DBT: variants seen among roughly 807,000 people sequenced by gnomAD.
The protein encoded by DBT is dihydrolipoamide branched chain transacylase E2.
DBT carries 40 observed loss-of-function variants against 51.3 expected under a neutral mutation model. The observed-to-expected ratio is 0.78, with a 90% CI of 0.61 to 1.02. The LOEUF is 1.02. DBT is among the 50% of genes least tolerant of loss of function. DBT has a pLI of 0.00. For missense variants in DBT, 510 were observed against 580.2 expected (o/e 0.88, Z 1.24); for synonymous variants, 181 against 190.4 (o/e 0.95, Z 0.41).
rs189088939 is a variant in DBT at position 100,231,986 on chromosome 1, C to T, written c.252-1072G>A. ...AAAATCCCCGGAGAAACTGGCACTA[C>T]AGATGGTCTCTGACTTTTATATCTT... On this transcript the variant is annotated intron_variant, in intron 3 of 10. Transcript: ENST00000370132. Among the ~76,000 whole-genome samples, 7 of 152,330 alleles carry T rather than the reference C, an allele frequency of 4.6e-5. No individual in the cohort carries two copies. The South Asian group carries it at 1.0e-3, about 23-fold the overall frequency.
rs111614499 is a variant in DBT at position 100,243,940 on chromosome 1, GA to G, written c.52-3057del. Reference sequence around the variant, plus strand: ...TCTTTAATATAGTCCATAGGTTTACGAAAAAAAAAAAAAAGAGACATAGGCA... The same window carrying G: ...TCTTTAATATAGTCCATAGGTTTACGAAAAAAAAAAAAAGAGACATAGGCA... On this transcript the variant is annotated intron_variant, in intron 1 of 10. Transcript: ENST00000370132. Among the ~76,000 whole-genome samples the G allele has an allele frequency of 2.9e-3, 395 of 136,104 alleles. 3 individuals are homozygous for G. The East Asian group carries it at 0.033, about 11-fold the overall frequency. The allele number at this position is 136,104 out of a possible 152,430, so 89.3% of individuals were successfully genotyped here.
intron 5 of DBT, 144 bp downstream of exon 5, chr1:100,218,482 C>T: frequency 2.3e-6 from 2 of 858,760 alleles, no homozygotes; most frequent in Non-Finnish European, 1.9e-6. Context: ...TATTTTTATG[C>T]AACTATTGCT....
chr1:100,212,251 A>G (rs903182864), intron 7 of DBT, among the ~76,000 whole-genome samples: 3 of 152,194 alleles, frequency 2.0e-5, no homozygotes, highest in Admixed American at 1.3e-4. Flanking sequence ...CCCCTCTACA[A>G]TACTGTGTAG....
At chr1:100,248,501 A>C (rs1557964715) in intron 1 of DBT, among the ~76,000 whole-genome samples, 1 of 152,242 alleles carries the variant, frequency 6.6e-6, no homozygotes, top group Non-Finnish European at 1.5e-5. Context: ...TTTAGGACTC[A>C]TCAGCATAGA....
intron 4 of DBT, among the ~76,000 whole-genome samples, chr1:100,230,144 T>C (rs1663457189): frequency 6.6e-6 from 1 of 152,194 alleles, no homozygotes; most frequent in Non-Finnish European, 1.5e-5. Flanking sequence ...TCTGAATCTT[T>C]AATTACTGAG....
intron 4 of DBT, among the ~76,000 whole-genome samples, chr1:100,222,022 C>T (rs779205646): frequency 2.6e-5 from 4 of 152,056 alleles, no homozygotes; most frequent in Non-Finnish European, 1.5e-5. Flanking sequence ...AGTTCCTGTC[C>T]GAATGTTCAT....
Position 100,235,501 on chromosome 1 carries a change from T to C in DBT, c.186A>G (p.Gly62=). The C allele has an allele frequency of 6.3e-7, 1 of 1,581,220 alleles. No individual in the cohort carries two copies. The highest frequency in any genetic ancestry group is 8.7e-7 in the Non-Finnish European group (1 of 1,151,486). The change falls in exon 3 of 11, where the codon GGA becomes GGG. Residue 62 remains glycine (G), a synonymous_variant. Transcript: ENST00000370132. ...CTGAGAGCTTGAACTGAACAACCTG[T>C]CCACGGAGAGCTTCAAAGACAAATG... ...HFLKTTAALR[G]QVVQFKLSDI... is the part of the protein sequence containing the mutation.
intron 5 of DBT, 33 bp downstream of exon 5, chr1:100,218,593 A>G (rs1570820243): frequency 6.2e-7 from 1 of 1,612,530 alleles, no homozygotes; most frequent in Non-Finnish European, 8.5e-7. Context: ...CACTTCCTAT[A>G]CAATCTCAGA....
At chr1:100,215,850 A>G in intron 6 of DBT, 133 bp downstream of exon 6, 2 of 698,948 alleles carry the variant, frequency 2.9e-6, no homozygotes, top group Non-Finnish European at 2.5e-6. Flanking sequence ...AAGAAAAATT[A>G]TATGCTGACT....
chr1:100,196,544 C>G lies in DBT; in HGVS notation c.1282-122G>C, dbSNP rs1405880246. ...GGCAAACCCTTCTTCCTGTACAGTA[C>G]AGAAAAAAATGGGCATCCCCAATGA... On this transcript the variant is annotated intron_variant, in intron 10 of 10. Coordinates refer to ENST00000370132, the MANE Select transcript of DBT (RefSeq NM_001918.5). The G allele has an allele frequency of 2.8e-6, 4 of 1,415,538 alleles. No individual in the cohort carries two copies. In the African/African-American group the frequency reaches 6.0e-5, roughly 21 times the overall value. 87.7% of individuals were successfully genotyped at this position (1,415,538 alleles called of 1,614,324 possible).
At chr1:100,227,911 C>T (rs1178479520) in intron 4 of DBT, among the ~76,000 whole-genome samples, 2 of 152,026 alleles carry the variant, frequency 1.3e-5, no homozygotes, top group Non-Finnish European at 2.9e-5. Context: ...TGCAGGGGCG[C>T]AATCTTGGCT....
chr1:100,229,141 C>T (rs1057210169), intron 4 of DBT, among the ~76,000 whole-genome samples: 1 of 152,094 alleles, frequency 6.6e-6, no homozygotes, highest in African/African-American at 2.4e-5. Context: ...TGTCACCAAC[C>T]ATTGAGCAAA....
intron 1 of DBT, among the ~76,000 whole-genome samples, chr1:100,241,732 C>T (rs1212405468): frequency 6.6e-6 from 1 of 152,076 alleles, no homozygotes; most frequent in African/African-American, 2.4e-5. Context: ...ATTTCAATGC[C>T]ATTAGGCCAG....
At chr1:100,235,935 T>A (rs1358497347) in intron 2 of DBT, among the ~76,000 whole-genome samples, 1 of 152,224 alleles carries the variant, frequency 6.6e-6, no homozygotes, top group Non-Finnish European at 1.5e-5. Flanking sequence ...TATATAACTA[T>A]TCTTTCTCAT....
Position 100,209,908 on chromosome 1 carries a change from TC to T in DBT, c.1017+785del, listed in dbSNP as rs199897511. 9.4e-3 allele frequency among the ~76,000 whole-genome samples: 1,424 copies of T among 151,056 alleles called. 25 individuals are homozygous for T. The highest frequency in any genetic ancestry group is 0.034 in the African/African-American group (1,373 of 40,640). On this transcript the variant is annotated intron_variant, in intron 8 of 10. Coordinates refer to ENST00000370132, the MANE Select transcript of DBT (RefSeq NM_001918.5). Reference sequence around the variant, plus strand: ...ATAAGTAAACTTCAGGAAAGGCATCTCAAAAAGAGTTTTCGGTCTTAAGAAA... The same window carrying T: ...ATAAGTAAACTTCAGGAAAGGCATCTAAAAAGAGTTTTCGGTCTTAAGAAA...
intron 10 of DBT, among the ~76,000 whole-genome samples, chr1:100,202,443 T>C (rs1372576221): frequency 2.0e-5 from 3 of 152,162 alleles, no homozygotes; most frequent in African/African-American, 7.2e-5. Flanking sequence ...AGACTTAGAT[T>C]TCCACACAAT....
At chr1:100,211,916 C>T (rs866698435) in intron 7 of DBT, among the ~76,000 whole-genome samples, 1 of 152,072 alleles carries the variant, frequency 6.6e-6, no homozygotes, top group African/African-American at 2.4e-5. Flanking sequence ...GAACTATAGG[C>T]GTGTGCCACC....
intron 2 of DBT, among the ~76,000 whole-genome samples, chr1:100,240,283 T>G (rs540067327): frequency 6.6e-6 from 1 of 152,306 alleles, no homozygotes; most frequent in East Asian, 1.9e-4. Flanking sequence ...TTACCTTGAC[T>G]GAGAAAGTCA....
chr1:100,207,056 G>A (rs1661831982), intron 8 of DBT, among the ~76,000 whole-genome samples: 1 of 152,166 alleles, frequency 6.6e-6, no homozygotes, highest in South Asian at 2.1e-4. Context: ...TCCAGCCTGG[G>A]AGACAGAGTG....
Sources: allele counts gnomAD v4.1 joint callset (sites outside exome capture counted in the v4.1 genomes callset), GRCh38; gene constraint gnomAD v4.1.1; transcripts MANE v1.5; gene names NCBI Gene and HGNC (gene_info 2026-07-23, HGNC 2026-07-21).